Variants in KDM4C observed in about 807,000 individuals in gnomAD.
KDM4C encodes the protein lysine demethylase 4C.
In KDM4C, 81 loss-of-function variants were observed where a neutral mutation model predicts 129.3. The ratio of observed to expected loss-of-function variants is 0.63; its 90% CI spans 0.52 to 0.75. The LOEUF (loss-of-function observed/expected upper bound fraction) is 0.75. KDM4C is among the 30% of genes least tolerant of loss of function. KDM4C has a pLI of 0.00. For missense variants in KDM4C, 1,457 were observed against 1,304.0 expected (o/e 1.12, Z -1.81); for synonymous variants, 573 against 456.1 (o/e 1.26, Z -3.26).
upstream of KDM4C, among the ~76,000 whole-genome samples, chr9:6,754,254 C>T (rs557012376): frequency 1.9e-4 from 28 of 151,322 alleles, no homozygotes; most frequent in East Asian, 4.1e-3. Flanking sequence ...CTCTTGTCAT[C>T]GAGGCTAGAG....
At chr9:7,131,362 AG>A (rs1840618386) in intron 19 of KDM4C, among the ~76,000 whole-genome samples, 2 of 152,154 alleles carry the variant, frequency 1.3e-5, no homozygotes, top group South Asian at 2.1e-4. Context: ...CTATAGGGGA[AG>A]TTTTTTTCCC....
chr9:7,171,218 A>T (rs1231851484), intron 21 of KDM4C, among the ~76,000 whole-genome samples: 3 of 151,946 alleles, frequency 2.0e-5, no homozygotes, highest in African/African-American at 7.3e-5. Flanking sequence ...ACTCGATGGG[A>T]AATGTGGCTC....
At chr9:6,780,668 C>G (rs546765868) in intron 1 of KDM4C, among the ~76,000 whole-genome samples, 103 of 145,360 alleles carry the variant, frequency 7.1e-4, no homozygotes, top group Non-Finnish European at 1.4e-3. Context: ...TTGGGAAGGC[C>G]GAGGCAGGAG....
chr9:6,818,384 T>C (rs936707303), intron 4 of KDM4C, among the ~76,000 whole-genome samples: 3 of 152,190 alleles, frequency 2.0e-5, no homozygotes, highest in African/African-American at 7.2e-5. Context: ...ATGAGCTAAA[T>C]GTAAGTTTAG....
intron 15 of KDM4C, 109 bp from the exon 16 acceptor site, chr9:7,046,753 G>T (rs1353824519): frequency 6.1e-6 from 5 of 825,594 alleles, no homozygotes; most frequent in Non-Finnish European, 1.0e-5. Flanking sequence ...ATTCCTGATG[G>T]TTTTAATTTT....
At chr9:7,044,337 C>T (rs913111113) in intron 15 of KDM4C, among the ~76,000 whole-genome samples, 3 of 151,912 alleles carry the variant, frequency 2.0e-5, no homozygotes, top group Admixed American at 6.6e-5. Flanking sequence ...GTGAGGCTGG[C>T]CAAGACCAAG....
intron 5 of KDM4C, among the ~76,000 whole-genome samples, chr9:6,854,601 T>A (rs1342160954): frequency 6.8e-6 from 1 of 147,362 alleles, no homozygotes; most frequent in Non-Finnish European, 1.5e-5. Flanking sequence ...AGATAAGGTG[T>A]AAGAGGATGT....
At chr9:6,752,150 G>A (rs1256075843) in intron 1 of KDM4C, among the ~76,000 whole-genome samples, 12 of 150,028 alleles carry the variant, frequency 8.0e-5, no homozygotes, top group African/African-American at 2.7e-4. Context: ...TGGCTAACAC[G>A]GTGAAACCCC....
At chr9:7,134,616 G>C (rs1840997598) in intron 19 of KDM4C, among the ~76,000 whole-genome samples, 1 of 152,166 alleles carries the variant, frequency 6.6e-6, no homozygotes, top group African/African-American at 2.4e-5. Flanking sequence ...TTCAAAAACA[G>C]TATGTAAACC....
chr9:6,817,305 A>C (rs1490638023), intron 4 of KDM4C, among the ~76,000 whole-genome samples: 1 of 148,862 alleles, frequency 6.7e-6, no homozygotes, highest in Non-Finnish European at 1.5e-5. Flanking sequence ...GGGTTCAAGC[A>C]GTCTTCCTGC....
At chr9:7,172,121 A>C (rs1342121515) in intron 21 of KDM4C, among the ~76,000 whole-genome samples, 5 of 152,266 alleles carry the variant, frequency 3.3e-5, no homozygotes, top group Non-Finnish European at 5.9e-5. Context: ...TGGAAAACTC[A>C]TTGATGGAAG....
chr9:7,154,211 G>A (rs1284948956), intron 19 of KDM4C, among the ~76,000 whole-genome samples: 6 of 152,192 alleles, frequency 3.9e-5, no homozygotes, highest in Non-Finnish European at 8.8e-5. Flanking sequence ...TGATACTTAC[G>A]TGGCTGTCTG....
intron 12 of KDM4C, among the ~76,000 whole-genome samples, chr9:7,003,908 C>T (rs1821184975): frequency 6.6e-6 from 1 of 152,104 alleles, no homozygotes; most frequent in Admixed American, 6.5e-5. Context: ...TTATCCCACC[C>T]CACTACACCC....
At chr9:6,757,648 G>A (rs1818449262), upstream of KDM4C, 1 of 985,522 alleles carries the variant, frequency 1.0e-6, no homozygotes, top group Non-Finnish European at 1.2e-6. Context: ...GCCGCCATAG[G>A]TGCGCGTCGG....
At chr9:6,802,585 A>C (rs1023076989) in intron 2 of KDM4C, among the ~76,000 whole-genome samples, 1 of 152,222 alleles carries the variant, frequency 6.6e-6, no homozygotes, top group Admixed American at 6.5e-5. Flanking sequence ...TAGGAATGAA[A>C]ATCAAAGAAC....
intron 4 of KDM4C, among the ~76,000 whole-genome samples, chr9:6,838,667 A>G (rs1447623592): frequency 6.6e-6 from 1 of 152,198 alleles, no homozygotes. Context: ...ATTCTAAAAC[A>G]GAAAGCAGTG....
intron 18 of KDM4C, among the ~76,000 whole-genome samples, chr9:7,115,113 A>G (rs757294785): frequency 2.0e-5 from 3 of 152,094 alleles, no homozygotes; most frequent in Non-Finnish European, 4.4e-5. Context: ...GACAAAAAGA[A>G]ATAATTTACA....
chr9:6,839,171 G>T (rs1387836579), intron 4 of KDM4C, among the ~76,000 whole-genome samples: 1 of 152,152 alleles, frequency 6.6e-6, no homozygotes, highest in Non-Finnish European at 1.5e-5. Context: ...TCTAATGTGG[G>T]CTTGGATAAG....
At chr9:6,795,491 C>G (rs374829746) in intron 2 of KDM4C, among the ~76,000 whole-genome samples, 34 of 152,066 alleles carry the variant, frequency 2.2e-4, no homozygotes, top group African/African-American at 8.0e-4. Flanking sequence ...ACCACCATGC[C>G]TGGATAATTT....
Sources: allele counts gnomAD v4.1 joint callset (sites outside exome capture counted in the v4.1 genomes callset), GRCh38; gene constraint gnomAD v4.1.1; transcripts MANE v1.5; gene names NCBI Gene and HGNC (gene_info 2026-07-23, HGNC 2026-07-21).